Variants in CFAP77 observed in about 807,000 individuals in gnomAD.
CFAP77 encodes the protein cilia- and flagella-associated protein 77.
Under a neutral mutation model 31.1 loss-of-function variants are expected in CFAP77, and 25 were observed. The observed-to-expected ratio is 0.80, with a 90% CI of 0.59 to 1.12. The LOEUF is 1.12. CFAP77 is among the 50% of genes most tolerant of loss of function. The pLI is 0.00. For synonymous variants in CFAP77, 151 were observed against 159.9 expected, an observed-to-expected ratio of 0.94 and a Z score of 0.42; for missense variants, 377 against 397.3, an observed-to-expected ratio of 0.95 and a Z score of 0.44.
At chr9:132,522,943 C>CT (rs925692891) in intron 3 of CFAP77, among the ~76,000 whole-genome samples, 2 of 152,196 alleles carry the variant, frequency 1.3e-5, no homozygotes, top group Admixed American at 6.5e-5. Context: ...CTTTTCTTTC[C>CT]TTTTTTTCCT....
At chr9:132,570,144 C>A (rs1019089620) in intron 5 of CFAP77, among the ~76,000 whole-genome samples, 3 of 152,214 alleles carry the variant, frequency 2.0e-5, no homozygotes, top group Admixed American at 6.5e-5. Context: ...CCTTTGTCCA[C>A]AGACTATTTT....
At chr9:132,518,579 G>A (rs891914247) in intron 3 of CFAP77, among the ~76,000 whole-genome samples, 6 of 152,138 alleles carry the variant, frequency 3.9e-5, no homozygotes, top group African/African-American at 1.4e-4. Flanking sequence ...AGCTTTGCAC[G>A]TGGAGGGCTT....
chr9:132,466,513 T>C (rs1763600689), intron 1 of CFAP77, among the ~76,000 whole-genome samples: 2 of 152,160 alleles, frequency 1.3e-5, no homozygotes, highest in African/African-American at 4.8e-5. Flanking sequence ...AATGTCGCAT[T>C]GCCCTCTGCA....
At chr9:132,508,682 G>A (rs1179113821) in intron 3 of CFAP77, among the ~76,000 whole-genome samples, 1 of 152,050 alleles carries the variant, frequency 6.6e-6, no homozygotes, top group Non-Finnish European at 1.5e-5. Context: ...TTCAGAATGT[G>A]TGTTGGAAGG....
intron 5 of CFAP77, among the ~76,000 whole-genome samples, chr9:132,550,570 G>C (rs377052472): frequency 7.4e-4 from 109 of 147,966 alleles, no homozygotes; most frequent in African/African-American, 2.7e-3. Flanking sequence ...TGTTGCCCAG[G>C]CTGGGGTGCA....
intron 1 of CFAP77, among the ~76,000 whole-genome samples, chr9:132,447,591 G>A (rs963888399): frequency 2.6e-5 from 4 of 152,218 alleles, no homozygotes; most frequent in Non-Finnish European, 5.9e-5. Context: ...AGTGGCTGCG[G>A]TCGGTCCGCG....
At chr9:132,555,488 C>A (rs1852888212) in intron 5 of CFAP77, among the ~76,000 whole-genome samples, 1 of 152,178 alleles carries the variant, frequency 6.6e-6, no homozygotes, top group Non-Finnish European at 1.5e-5. Context: ...CAACCGAGCA[C>A]AAAATCAAAG....
intron 3 of CFAP77, among the ~76,000 whole-genome samples, chr9:132,514,756 C>A (rs1852116580): frequency 6.6e-6 from 1 of 152,212 alleles, no homozygotes; most frequent in Non-Finnish European, 1.5e-5. Context: ...GATCCACAAA[C>A]AATTAAAAAG....
intron 1 of CFAP77, among the ~76,000 whole-genome samples, chr9:132,437,605 G>C (rs10114681): frequency 0.024 from 3,608 of 150,576 alleles, 134 homozygotes; most frequent in African/African-American, 0.083. Context: ...CGCCTCCCGG[G>C]TTCACGCCAT....
At chr9:132,449,308 C>T (rs1850781360) in intron 1 of CFAP77, among the ~76,000 whole-genome samples, 1 of 151,120 alleles carries the variant, frequency 6.6e-6, no homozygotes, top group Admixed American at 6.6e-5. Flanking sequence ...ACTCACCCTC[C>T]TCTCCTACTC....
chr9:132,423,481 C>G (rs1850262365), intron 1 of CFAP77, among the ~76,000 whole-genome samples: 2 of 152,222 alleles, frequency 1.3e-5, no homozygotes, highest in African/African-American at 4.8e-5. Flanking sequence ...ATCTTTGCAA[C>G]AATCCTGAGA....
chr9:132,449,986 T>C (rs577573604), intron 1 of CFAP77, among the ~76,000 whole-genome samples: 31 of 152,146 alleles, frequency 2.0e-4, no homozygotes, highest in Admixed American at 9.8e-4. Flanking sequence ...TATCTCAGCT[T>C]ACTGCAAGCT....
At chr9:132,474,512 G>A (rs747687169) in intron 1 of CFAP77, among the ~76,000 whole-genome samples, 1 of 152,138 alleles carries the variant, frequency 6.6e-6, no homozygotes, top group Admixed American at 6.5e-5. Context: ...AAAGGCCACC[G>A]TTGGAATGTT....
chr9:132,569,892 C>T (rs1829935662), intron 5 of CFAP77, among the ~76,000 whole-genome samples: 2 of 152,086 alleles, frequency 1.3e-5, no homozygotes, highest in East Asian at 1.9e-4. Context: ...CCCACCACCA[C>T]ACCCAGCTAA....
intron 3 of CFAP77, among the ~76,000 whole-genome samples, chr9:132,520,903 G>A (rs1038559990): frequency 2.0e-5 from 3 of 152,224 alleles, no homozygotes; most frequent in Admixed American, 6.5e-5. Flanking sequence ...GGAGCAGCCC[G>A]CAGTCCTCCA....
At chr9:132,523,829 G>C (rs1852311515) in intron 3 of CFAP77, among the ~76,000 whole-genome samples, 1 of 152,086 alleles carries the variant, frequency 6.6e-6, no homozygotes, top group Non-Finnish European at 1.5e-5. Flanking sequence ...TCCTCCCCTG[G>C]CTGGCTGCTT....
rs537914801 is a variant in CFAP77 at position 132,553,585 on chromosome 9, A to G, written c.732+10538A>G. Among the ~76,000 whole-genome samples, 270 of 152,328 alleles carry G rather than the reference A, an allele frequency of 1.8e-3. 1 individual carries two copies. Among genetic ancestry groups the G allele is most frequent in the African/African-American group, 6.3e-3 (260 of 41,568 alleles). On this transcript the variant is annotated intron_variant, in intron 5 of 5. Coordinates refer to ENST00000393216, the MANE Select transcript of CFAP77 (RefSeq NM_001282957.2). ...TTTCTTGCTTCTTGATCCCCATGGA[A>G]TCACCTTCTCTCCCTTCCACATGAC...
intron 1 of CFAP77, among the ~76,000 whole-genome samples, chr9:132,457,564 G>C (rs1049015844): frequency 6.6e-6 from 1 of 152,216 alleles, no homozygotes; most frequent in African/African-American, 2.4e-5. Flanking sequence ...GCTTAGTGCA[G>C]GGAGAAATAC....
chr9:132,499,277 G>A lies in CFAP77; in HGVS notation c.296-95G>A, dbSNP rs557676364. ...GTAGGCTCAGGTAAATGGGAAGGCCGAGGACCCGCGTGCCCCCATTTCTTC... is the reference window on the plus strand; with the variant it reads ...GTAGGCTCAGGTAAATGGGAAGGCCAAGGACCCGCGTGCCCCCATTTCTTC... On this transcript the variant is annotated intron_variant, in intron 2 of 5. Transcript: ENST00000393216. The surrounding 1 kb of genome is among the most constrained non-coding windows in gnomAD (Gnocchi z 5.4). 2.3e-5 allele frequency: 26 copies of A among 1,111,016 alleles called. No individual in the cohort carries two copies. Among genetic ancestry groups the A allele is most frequent in the South Asian group, 7.1e-5 (5 of 70,074 alleles). 68.8% of individuals were successfully genotyped at this position (1,111,016 alleles called of 1,614,324 possible). A position where few individuals can be genotyped will look rare whatever the true frequency, so the allele number is the denominator to read the frequency against.
Sources: gnomAD v4.1 joint callset for allele counts (sites outside exome capture counted in the v4.1 genomes callset) on GRCh38, gnomAD v4.1.1 for gene constraint, Gnocchi (gnomAD v3.1) non-coding constraint, MANE v1.5 for transcripts, NCBI Gene and HGNC (gene_info 2026-07-23, HGNC 2026-07-21) for gene names.